The following C6orf52 variants were observed in gnomAD, a reference collection of about 807,000 sequenced individuals.
C6orf52 encodes chromosome 6 open reading frame 52, also known as putative uncharacterized protein C6orf52.
Under a neutral mutation model 16.6 loss-of-function variants are expected in C6orf52, and 16 were observed. That is an observed-to-expected ratio of 0.96 (90% CI 0.65 to 1.46). The LOEUF (loss-of-function observed/expected upper bound fraction) is 1.46. Ranked by LOEUF, C6orf52 falls within the 40% of genes most tolerant of loss-of-function variation. The probability of loss-of-function intolerance (pLI) is 0.00; values close to 1 mark genes in which losing one functional copy is unlikely to be tolerated. For synonymous variants in C6orf52, 53 were observed against 61.4 expected (o/e 0.86, Z 0.64); for missense variants, 166 against 182.3 (o/e 0.91, Z 0.52).
At chr6:10,689,682 G>A (rs1048521270) in intron 1 of C6orf52, among the ~76,000 whole-genome samples, 3 of 152,048 alleles carry the variant, frequency 2.0e-5, no homozygotes, top group African/African-American at 7.3e-5. Context: ...TCTGGTGCTG[G>A]GATTACAAAT....
At chr6:10,687,313 A>G in intron 2 of C6orf52, 149 bp from the exon 3 acceptor site, 1 of 784,138 alleles carries the variant, frequency 1.3e-6, no homozygotes, top group Middle Eastern at 3.3e-4. Context: ...TGATGGGTGC[A>G]GCAAACCACC....
In C6orf52 at chr6:10,687,499, A is replaced by C. The variant is rs569507746; in HGVS notation, c.52T>G (p.Tyr18Asp). The C allele has an allele frequency of 4.5e-6, 7 of 1,550,054 alleles. No homozygotes were observed. The South Asian group carries it at 8.3e-5, about 18-fold the overall frequency. ...ACTCACCTTTGCCAGTAGCAGTAAT[A>C]GTTATTTTGTTGAGCTATGCCAAAA... Reference protein sequence around the residue: ...ADFGIAQQNNYYCYWQSLPSA... With the variant: ...ADFGIAQQNNDYCYWQSLPSA... The change falls in exon 2 of 5, where the codon TAT becomes GAT. Residue 18 changes from tyrosine (Y) to aspartate (D), a missense_variant. Physicochemically the swap from Tyr to Asp is radical, Grantham distance 160. Coordinates refer to ENST00000259983, the MANE Select transcript of C6orf52 (RefSeq NM_001145020.3).
Position 10,687,528 on chromosome 6 carries a change from G to A in C6orf52, c.23C>T (p.Ala8Val), listed in dbSNP as rs1213256511. 2 of 1,550,846 alleles carry A rather than the reference G, an allele frequency of 1.3e-6. No homozygotes were observed. The highest frequency in any genetic ancestry group is 1.7e-6 in the Non-Finnish European group (2 of 1,146,336). Reference protein sequence around the residue: MAQPESSADFGIAQQNNY... With the variant: MAQPESSVDFGIAQQNNY... ...ATTTTGTTGAGCTATGCCAAAATCT[G>A]CAGAACTCTCTGGTTGGGCCATTTA... Residue 8 changes from alanine (A) to valine (V), a missense_variant, in exon 2 of 5, where the codon GCA becomes GTA. Transcript: ENST00000259983.
chr6:10,684,837 A>G, intron 3 of C6orf52: 1 of 1,288,620 alleles, frequency 7.8e-7, no homozygotes, highest in South Asian at 1.2e-5. Flanking sequence ...GAGCGCCACC[A>G]CAGAGGCTTA....
intron 1 of C6orf52, 106 bp from the exon 2 acceptor site, chr6:10,687,667 A>C (rs1241052669): frequency 1.4e-6 from 1 of 707,456 alleles, no homozygotes; most frequent in Admixed American, 2.5e-5. Context: ...ACTACATCTG[A>C]GATAATTACA....
chr6:10,677,378 C>G (rs763934349), intron 4 of C6orf52, among the ~76,000 whole-genome samples: 5 of 150,820 alleles, frequency 3.3e-5, no homozygotes, highest in African/African-American at 4.9e-5. Context: ...GTTTATGTGT[C>G]TGTTATTATG....
At chr6:10,682,250 T>G (rs1433686361) in intron 4 of C6orf52, among the ~76,000 whole-genome samples, 1 of 152,232 alleles carries the variant, frequency 6.6e-6, no homozygotes, top group Admixed American at 6.5e-5. Context: ...GCATCAATTT[T>G]AATAAATTGC....
chr6:10,681,162 A>G (rs377164571), intron 4 of C6orf52, among the ~76,000 whole-genome samples: 39 of 152,080 alleles, frequency 2.6e-4, no homozygotes, highest in African/African-American at 8.9e-4. Flanking sequence ...CAGGTTTTCT[A>G]TTTCTTCATA....
chr6:10,682,225 G>A (rs912854116), intron 4 of C6orf52, among the ~76,000 whole-genome samples: 4 of 152,260 alleles, frequency 2.6e-5, no homozygotes, highest in Non-Finnish European at 4.4e-5. Flanking sequence ...GCTGAACTAA[G>A]GAGCAAGAAA....
chr6:10,672,456 G>A (rs1457635944), intron 4 of C6orf52: 2 of 567,558 alleles, frequency 3.5e-6, no homozygotes, highest in African/African-American at 1.9e-5. Context: ...GCCTCTGGGA[G>A]GTTAGATGAG....
At chr6:10,673,705 G>A (rs1767621911) in intron 4 of C6orf52, among the ~76,000 whole-genome samples, 1 of 152,122 alleles carries the variant, frequency 6.6e-6, no homozygotes, top group African/African-American at 2.4e-5. Context: ...CTAAGATCAA[G>A]TGTGATACAT....
chr6:10,687,796 G>A (rs1271141698), intron 1 of C6orf52, among the ~76,000 whole-genome samples: 2 of 152,128 alleles, frequency 1.3e-5, no homozygotes, highest in South Asian at 2.1e-4. Context: ...TCTGTTCCTC[G>A]GGCTTCCACC....
chr6:10,690,522 A>T (rs144688291), intron 1 of C6orf52, among the ~76,000 whole-genome samples: 2,153 of 152,284 alleles, frequency 0.014, 73 homozygotes, highest in Admixed American at 0.072. Flanking sequence ...TGAGACTCTC[A>T]TATTTCTAAC....
intron 1 of C6orf52, among the ~76,000 whole-genome samples, 157 bp downstream of exon 1, chr6:10,694,337 G>A (rs1769656329): frequency 6.6e-6 from 1 of 151,716 alleles, no homozygotes; most frequent in African/African-American, 2.4e-5. Context: ...TACAGCCCCA[G>A]AGTTAGACAA....
intron 3 of C6orf52, chr6:10,684,956 T>C: frequency 8.4e-7 from 1 of 1,184,176 alleles, no homozygotes; most frequent in Non-Finnish European, 1.1e-6. Flanking sequence ...ATTTATATAA[T>C]TCTTGTATGA....
rs140754690 is a variant in C6orf52 at position 10,687,473 on chromosome 6, C to A, written c.71+7G>T. On this transcript the variant is annotated splice_region_variant and intron_variant, in intron 2 of 4. Transcript: ENST00000259983. ...TTTCCTTTTCAAAGTAGGAGAAAAC[C>A]ACTCACCTTTGCCAGTAGCAGTAAT... is the stretch of plus-strand genomic sequence containing the variant. 4.9e-4 allele frequency: 751 copies of A among 1,537,102 alleles called. 2 individuals carry two copies. In the African/African-American group the frequency reaches 9.2e-3, roughly 19 times the overall value.
At chr6:10,682,074 A>T (rs577019725) in intron 4 of C6orf52, among the ~76,000 whole-genome samples, 1 of 152,162 alleles carries the variant, frequency 6.6e-6, no homozygotes, top group Non-Finnish European at 1.5e-5. Flanking sequence ...CTGGTATTCA[A>T]TTTGTGAGGT....
At chr6:10,680,247 C>T (rs1421788552) in intron 4 of C6orf52, among the ~76,000 whole-genome samples, 1 of 151,698 alleles carries the variant, frequency 6.6e-6, no homozygotes, top group Non-Finnish European at 1.5e-5. Context: ...GAGACCCTAT[C>T]TCCAGGAAAA....
intron 4 of C6orf52, among the ~76,000 whole-genome samples, chr6:10,681,131 A>G (rs888363179): frequency 6.6e-6 from 1 of 152,206 alleles, no homozygotes; most frequent in Admixed American, 6.5e-5. Context: ...TACTGTTTCA[A>G]TTCCTTATTA....
Sources: allele counts gnomAD v4.1 joint callset (sites outside exome capture counted in the v4.1 genomes callset), GRCh38; gene constraint gnomAD v4.1.1; transcripts MANE v1.5; gene names NCBI Gene and HGNC (gene_info 2026-07-23, HGNC 2026-07-21).